Variants in DNAH6 observed in about 807,000 individuals in gnomAD.
DNAH6 encodes the protein dynein axonemal heavy chain 6, also known as axonemal beta dynein heavy chain 6.
Under a neutral mutation model 491.4 loss-of-function variants are expected in DNAH6, and 340 were observed. The ratio of observed to expected loss-of-function variants is 0.69; its 90% CI spans 0.63 to 0.76. DNAH6 has a LOEUF of 0.76. DNAH6 is among the 30% of genes least tolerant of loss of function. The pLI is 0.00. For missense variants in DNAH6, 4,443 were observed against 4,972.2 expected, an observed-to-expected ratio of 0.89 and a Z score of 3.20; for synonymous variants, 1,603 against 1,686.1, an observed-to-expected ratio of 0.95 and a Z score of 1.21.
At chr2:84,507,567 C>T in the DNAH6 span, among the ~76,000 whole-genome samples, 1 of 152,020 alleles carries the variant, frequency 6.6e-6, no homozygotes, top group Non-Finnish European at 1.5e-5. Context: ...TTTCTTTCTC[C>T]TGCCTGATTG....
chr2:84,474,414 G>GA, the DNAH6 span, among the ~76,000 whole-genome samples: 4 of 152,044 alleles, frequency 2.6e-5, no homozygotes, highest in Non-Finnish European at 4.4e-5. Flanking sequence ...AGAGGAATGG[G>GA]AGCCAGAGGC....
intron 60 of DNAH6, among the ~76,000 whole-genome samples, chr2:84,724,884 A>G (rs1255582307): frequency 2.6e-5 from 4 of 152,250 alleles, no homozygotes; most frequent in Non-Finnish European, 2.9e-5. Flanking sequence ...CTGTTGGTCA[A>G]TCAAATCACT....
intron 63 of DNAH6, among the ~76,000 whole-genome samples, chr2:84,755,157 T>C (rs1673877251): frequency 6.6e-6 from 1 of 152,232 alleles, no homozygotes; most frequent in Non-Finnish European, 1.5e-5. Flanking sequence ...GATTAGATCA[T>C]GAGGACTCTG....
intron 54 of DNAH6, among the ~76,000 whole-genome samples, chr2:84,707,980 GA>G (rs1043606425): frequency 6.6e-6 from 1 of 152,138 alleles, no homozygotes; most frequent in African/African-American, 2.4e-5. Context: ...CTGGGGGAAG[GA>G]AAAGAGACAG....
chr2:84,607,881 T>TA lies in DNAH6; in HGVS notation c.3294+794dup, dbSNP rs550467123. ...ACATTCATCGACTCTTCCTTTTATT[T>TA]AAAAAAAATCTTTGTAGCATGCAAT... On this transcript the variant is annotated intron_variant, in intron 21 of 76. Coordinates refer to ENST00000389394, the MANE Select transcript of DNAH6 (RefSeq NM_001370.2). 3.6e-4 allele frequency among the ~76,000 whole-genome samples: 55 copies of TA among 152,094 alleles called. No homozygotes were observed. In the South Asian group the frequency reaches 0.011, roughly 30 times the overall value.
intron 70 of DNAH6, 96 bp downstream of exon 70, chr2:84,797,754 T>C: frequency 9.5e-7 from 1 of 1,052,648 alleles, no homozygotes; most frequent in Non-Finnish European, 1.4e-6. Flanking sequence ...ATTATAATCT[T>C]CCTAAATAAA....
At chr2:84,746,705 G>C (rs1420921534) in intron 63 of DNAH6, among the ~76,000 whole-genome samples, 3 of 152,138 alleles carry the variant, frequency 2.0e-5, no homozygotes, top group Admixed American at 2.0e-4. Flanking sequence ...ATGTTAGTCT[G>C]CTTTGCATTG....
At chr2:84,513,833 C>T (rs1046317540), upstream of DNAH6, among the ~76,000 whole-genome samples, 1 of 152,132 alleles carries the variant, frequency 6.6e-6, no homozygotes, top group Admixed American at 6.5e-5. Context: ...TTTGTCTATA[C>T]TCCTAAATTC....
At chr2:84,790,913 C>T (rs962115513) in intron 68 of DNAH6, among the ~76,000 whole-genome samples, 3 of 152,086 alleles carry the variant, frequency 2.0e-5, no homozygotes, top group Non-Finnish European at 4.4e-5. Flanking sequence ...TACACAAGGC[C>T]GGGCGCAGTG....
chr2:84,689,474 A>G (rs966254288), intron 45 of DNAH6, among the ~76,000 whole-genome samples: 12 of 152,094 alleles, frequency 7.9e-5, no homozygotes, highest in Non-Finnish European at 1.8e-4. Flanking sequence ...GCCTCCATAT[A>G]GTCTCTCCAC....
In DNAH6 at chr2:84,679,598, G is replaced by A. The variant is rs139518026; in HGVS notation, c.6745-1759G>A. 1.4e-3 allele frequency among the ~76,000 whole-genome samples: 219 copies of A among 152,318 alleles called. 1 individual carries two copies. Among genetic ancestry groups the A allele is most frequent in the African/African-American group, 3.7e-3 (154 of 41,564 alleles). On this transcript the variant is annotated intron_variant, in intron 41 of 76. Coordinates refer to ENST00000389394, the MANE Select transcript of DNAH6 (RefSeq NM_001370.2). ...ACTAAGAAACCTGGCTGCATCTTGC[G>A]TGCATGTTCTTAGTAAGAGTTTTGC...
At chr2:84,628,504 T>G (rs1688093501) in intron 29 of DNAH6, among the ~76,000 whole-genome samples, 2 of 152,308 alleles carry the variant, frequency 1.3e-5, no homozygotes, top group South Asian at 4.1e-4. Flanking sequence ...CCAGGAACTC[T>G]TTTGCCCTAA....
rs1226610030 is a variant in DNAH6 at position 84,730,419 on chromosome 2, A to G, written c.10206+2517A>G. ...TTCTCATTGGGTATATTCAGTCCAT[A>G]CAACTAATGTTTTTAAATGATGATA... On this transcript the variant is annotated intron_variant, in intron 61 of 76. Transcript: ENST00000389394. 2.6e-5 allele frequency among the ~76,000 whole-genome samples: 4 copies of G among 152,312 alleles called. No homozygotes were observed. In the East Asian group the frequency reaches 5.8e-4, roughly 22 times the overall value.
intron 18 of DNAH6, among the ~76,000 whole-genome samples, chr2:84,598,405 A>G (rs912366524): frequency 3.3e-5 from 5 of 152,144 alleles, no homozygotes; most frequent in Non-Finnish European, 5.9e-5. Flanking sequence ...CTGGTGAAAG[A>G]TATCTGAGTT....
intron 65 of DNAH6, among the ~76,000 whole-genome samples, chr2:84,784,389 TA>T (rs1676980779): frequency 2.0e-5 from 3 of 152,350 alleles, no homozygotes; most frequent in African/African-American, 7.2e-5. Flanking sequence ...ACATGGGCAA[TA>T]ACTGCCCTCT....
intron 4 of DNAH6, among the ~76,000 whole-genome samples, chr2:84,542,881 G>A (rs796929245): frequency 6.6e-5 from 10 of 152,236 alleles, no homozygotes; most frequent in African/African-American, 1.7e-4. Flanking sequence ...GCTGTGGCCC[G>A]GACATGGTGG....
At chr2:84,812,984 CA>C in intron 73 of DNAH6, 73 bp from the exon 74 acceptor site, 1 of 1,298,474 alleles carries the variant, frequency 7.7e-7, no homozygotes, top group South Asian at 1.3e-5. Context: ...AAACTCTCCC[CA>C]AATAGGACTT....
the DNAH6 span, among the ~76,000 whole-genome samples, chr2:84,503,131 TTG>T: frequency 1.3e-5 from 2 of 151,554 alleles, no homozygotes; most frequent in African/African-American, 4.8e-5. Context: ...TTACTTAGTT[TTG>T]TGTGTGTGTG....
In DNAH6 at chr2:84,670,504, C is replaced by A. The variant is rs764448847; in HGVS notation, c.6454+29C>A. The A allele has an allele frequency of 5.8e-6, 8 of 1,389,986 alleles. No homozygotes were observed. The African/African-American group carries it at 1.0e-4, about 18-fold the overall frequency. 86.1% of individuals were successfully genotyped at this position (1,389,986 alleles called of 1,614,324 possible). On this transcript the variant is annotated intron_variant, in intron 39 of 76. Transcript: ENST00000389394. ...AGAATCATTATTTTAGTTTGTCCCA[C>A]ACAAATTATTCATTAAGCTAATAAA...
Sources: allele counts gnomAD v4.1 joint callset (sites outside exome capture counted in the v4.1 genomes callset), GRCh38; gene constraint gnomAD v4.1.1; transcripts MANE v1.5; gene names NCBI Gene and HGNC (gene_info 2026-07-23, HGNC 2026-07-21).